ERC2: variants seen among roughly 807,000 people sequenced by gnomAD.
The protein encoded by ERC2 is ERC protein 2.
Under a neutral mutation model 114.8 loss-of-function variants are expected in ERC2, and 42 were observed. The ratio of observed to expected loss-of-function variants is 0.37; its 90% confidence interval spans 0.29 to 0.47. The LOEUF (loss-of-function observed/expected upper bound fraction) is 0.47, where lower values mean the gene tolerates loss of function less well. Among genes scored for constraint, ERC2 ranks in the 20% least tolerant of loss-of-function variants. ERC2 has a pLI of 0.99. For missense variants in ERC2, 939 were observed against 1,150.7 expected, an observed-to-expected ratio of 0.82 and a Z score of 2.66; for synonymous variants, 454 against 425.5, an observed-to-expected ratio of 1.07 and a Z score of -0.82.
intron 14 of ERC2, among the ~76,000 whole-genome samples, chr3:55,797,017 T>A (rs998494535): frequency 2.0e-5 from 3 of 152,038 alleles, no homozygotes; most frequent in Non-Finnish European, 4.4e-5. Flanking sequence ...CCTGAAAACA[T>A]CTAGAATGTA....
At chr3:56,004,222 T>TA (rs1198539305) in intron 10 of ERC2, among the ~76,000 whole-genome samples, 2 of 152,104 alleles carry the variant, frequency 1.3e-5, no homozygotes, top group African/African-American at 4.8e-5. Flanking sequence ...GAACCTCAAA[T>TA]ACTCTTTTGA....
chr3:56,374,527 T>C (rs73073985), intron 2 of ERC2, among the ~76,000 whole-genome samples: 5,078 of 152,316 alleles, frequency 0.033, 182 homozygotes, highest in African/African-American at 0.081. Context: ...ACCATTTAAT[T>C]TATTCCTCCC....
At chr3:55,650,696 A>G (rs937809759) in intron 17 of ERC2, among the ~76,000 whole-genome samples, 10 of 152,218 alleles carry the variant, frequency 6.6e-5, no homozygotes, top group Non-Finnish European at 1.5e-5. Context: ...CAATTAAATG[A>G]ATGAAGAAAT....
intron 2 of ERC2, among the ~76,000 whole-genome samples, chr3:56,397,929 A>T (rs1309702496): frequency 6.6e-6 from 1 of 152,150 alleles, no homozygotes; most frequent in African/African-American, 2.4e-5. Context: ...AGAAGGGGGG[A>T]CAAAAGAGAA....
At chr3:55,939,023 T>C (rs1483283542) in intron 13 of ERC2, among the ~76,000 whole-genome samples, 6 of 152,256 alleles carry the variant, frequency 3.9e-5, no homozygotes, top group Non-Finnish European at 7.3e-5. Flanking sequence ...ATGTGGATTC[T>C]GGGATCAAGA....
chr3:55,844,069 A>G (rs2061250320), intron 14 of ERC2, among the ~76,000 whole-genome samples: 1 of 152,206 alleles, frequency 6.6e-6, no homozygotes, highest in Non-Finnish European at 1.5e-5. Context: ...TCAAATATTA[A>G]ATACTGATAT....
At position 55,683,817 on chromosome 3, in the gene ERC2, T is replaced by C. The variant is rs371755880; in HGVS notation, c.*16A>G. 3.7e-6 allele frequency: 6 copies of C among 1,612,760 alleles called. No homozygotes were observed. In the African/African-American group the frequency reaches 5.3e-5, roughly 14 times the overall value. On this transcript the variant is annotated 3_prime_UTR_variant, in exon 17 of 18. Transcript: ENST00000288221. ...ACCCCTCAAAACAAAACTGGAACTT[T>C]GGTTTACAGGCCCGGCTATGCCCAT...
At chr3:55,566,590 C>A (rs1416577772) in intron 17 of ERC2, among the ~76,000 whole-genome samples, 2 of 152,056 alleles carry the variant, frequency 1.3e-5, no homozygotes, top group Non-Finnish European at 2.9e-5. Flanking sequence ...TGCCACCACC[C>A]CTGTTTAAGT....
intron 14 of ERC2, among the ~76,000 whole-genome samples, chr3:55,767,930 G>C (rs1372907414): frequency 6.6e-6 from 1 of 152,188 alleles, no homozygotes; most frequent in Non-Finnish European, 1.5e-5. Flanking sequence ...CAGTGTTGGA[G>C]GAGGGGCCTG....
chr3:56,443,958 ATTTTTTT>A lies in ERC2; in HGVS notation c.-140-8818_-140-8812del, dbSNP rs11343406. On this transcript the variant is annotated intron_variant, in intron 1 of 17. Transcript: ENST00000288221. ...TGTGAACTCTTTAAAAATACCTACAATTTTTTTTTTTTTTTTTTGGTTGAGATGGAGT... is the reference window on the plus strand; with the variant it reads ...TGTGAACTCTTTAAAAATACCTACAATTTTTTTTTTTGGTTGAGATGGAGT... Among the ~76,000 whole-genome samples the A allele has an allele frequency of 2.1e-3, 169 of 80,248 alleles. 1 individual carries two copies. Among genetic ancestry groups the A allele is most frequent in the African/African-American group, 8.6e-3 (165 of 19,142 alleles). 52.6% of individuals were successfully genotyped at this position (80,248 alleles called of 152,430 possible).
At chr3:55,937,461 T>C (rs931618146) in intron 13 of ERC2, among the ~76,000 whole-genome samples, 1 of 152,224 alleles carries the variant, frequency 6.6e-6, no homozygotes, top group African/African-American at 2.4e-5. Flanking sequence ...TAGATGGCTG[T>C]GGCTTTGTTC....
intron 10 of ERC2, among the ~76,000 whole-genome samples, chr3:56,006,464 G>A (rs536728350): frequency 6.6e-6 from 1 of 152,066 alleles, no homozygotes; most frequent in South Asian, 2.1e-4. Flanking sequence ...GAAACAAAAT[G>A]CTTAAACTCA....
chr3:55,559,303 A>G (rs1559652259), intron 17 of ERC2, among the ~76,000 whole-genome samples: 1 of 152,218 alleles, frequency 6.6e-6, no homozygotes, highest in Non-Finnish European at 1.5e-5. Flanking sequence ...TGTGGAGTGT[A>G]GCTCTGAGAA....
chr3:55,720,742 T>C (rs1324392242), intron 15 of ERC2, among the ~76,000 whole-genome samples: 1 of 152,204 alleles, frequency 6.6e-6, no homozygotes, highest in Non-Finnish European at 1.5e-5. Context: ...ACAAGTCATG[T>C]AGATCCTAGT....
intron 2 of ERC2, among the ~76,000 whole-genome samples, chr3:56,345,218 A>G (rs2058257960): frequency 6.6e-6 from 1 of 152,190 alleles, no homozygotes; most frequent in Non-Finnish European, 1.5e-5. Context: ...CCCTGAAAAC[A>G]ACAAAGTCTG....
At chr3:56,359,172 G>A (rs896145941) in intron 2 of ERC2, among the ~76,000 whole-genome samples, 3 of 152,188 alleles carry the variant, frequency 2.0e-5, no homozygotes, top group African/African-American at 7.2e-5. Context: ...TAACCAGAGT[G>A]GGGAGTCTAT....
chr3:56,427,026 C>CTGGATG (rs2061597454), intron 2 of ERC2, among the ~76,000 whole-genome samples: 1 of 142,512 alleles, frequency 7.0e-6, no homozygotes, highest in South Asian at 2.3e-4. Flanking sequence ...AAAAAATTAG[C>CTGGATG]TGGATGTGGT....
intron 14 of ERC2, among the ~76,000 whole-genome samples, chr3:55,763,145 C>A (rs550870769): frequency 3.7e-4 from 56 of 152,272 alleles, no homozygotes; most frequent in African/African-American, 1.3e-3. Flanking sequence ...AAAGCACTGG[C>A]AAATGCTCAA....
chr3:55,888,718 C>A (rs1328925973), intron 13 of ERC2, among the ~76,000 whole-genome samples, 169 bp from the exon 14 acceptor site: 2 of 152,116 alleles, frequency 1.3e-5, no homozygotes, highest in Non-Finnish European at 2.9e-5. Flanking sequence ...TATGAAAATG[C>A]AAATGCCTAA....
Sources: allele counts gnomAD v4.1 joint callset (sites outside exome capture counted in the v4.1 genomes callset), GRCh38; gene constraint gnomAD v4.1.1; transcripts MANE v1.5; gene names NCBI Gene and HGNC (gene_info 2026-07-23, HGNC 2026-07-21).